Variants in MICU1 observed in about 807,000 individuals in gnomAD.
MICU1 encodes calcium uptake protein 1, mitochondrial.
A neutral mutation model predicts 56.8 loss-of-function variants in MICU1; 45 were observed. The observed-to-expected ratio is 0.79, with a 90% CI of 0.62 to 1.02. The LOEUF (loss-of-function observed/expected upper bound fraction) is 1.02, where lower values mean the gene tolerates loss of function less well. MICU1 is among the 50% of genes least tolerant of loss of function. MICU1 has a pLI of 0.00. For missense variants in MICU1, 504 were observed against 587.1 expected, an observed-to-expected ratio of 0.86 and a Z score of 1.46; for synonymous variants, 186 against 195.1, an observed-to-expected ratio of 0.95 and a Z score of 0.39.
At chr10:72,465,857 T>C (rs1051470669) in intron 8 of MICU1, among the ~76,000 whole-genome samples, 3 of 152,172 alleles carry the variant, frequency 2.0e-5, no homozygotes, top group African/African-American at 7.2e-5. Flanking sequence ...CTTTTCCATC[T>C]TAACTAAGCA....
intron 9 of MICU1, among the ~76,000 whole-genome samples, chr10:72,421,033 A>C (rs1356455626): frequency 6.7e-6 from 1 of 148,150 alleles, no homozygotes; most frequent in East Asian, 1.9e-4. Context: ...AATAATAATA[A>C]TAATAATAAA....
chr10:72,600,684 T>C (rs1311050996), intron 1 of MICU1, among the ~76,000 whole-genome samples: 1 of 150,660 alleles, frequency 6.6e-6, no homozygotes, highest in Admixed American at 6.6e-5. Context: ...AAATTCATGC[T>C]AGTTTTGCTG....
At chr10:72,604,707 T>C (rs1394910194) in intron 1 of MICU1, among the ~76,000 whole-genome samples, 1 of 152,148 alleles carries the variant, frequency 6.6e-6, no homozygotes, top group Non-Finnish European at 1.5e-5. Context: ...AGATCACAAA[T>C]GAAAGTGCTA....
intron 9 of MICU1, among the ~76,000 whole-genome samples, chr10:72,409,785 GT>G (rs1863747466): frequency 6.6e-6 from 1 of 152,110 alleles, no homozygotes; most frequent in Admixed American, 6.6e-5. Flanking sequence ...AAACTTTATT[GT>G]GGAATATGAT....
chr10:72,475,932 A>G (rs1371172000), intron 7 of MICU1: 4 of 456,106 alleles, frequency 8.8e-6, no homozygotes, highest in Non-Finnish European at 1.8e-5. Context: ...TGGAGACTCA[A>G]AAACTCTCTC....
At chr10:72,402,888 A>T (rs1480470953) in intron 10 of MICU1, among the ~76,000 whole-genome samples, 1 of 151,956 alleles carries the variant, frequency 6.6e-6, no homozygotes, top group African/African-American at 2.4e-5. Context: ...TATAAAAAAT[A>T]AAAAAAATTT....
At chr10:72,407,855 G>A in intron 10 of MICU1, 74 bp downstream of exon 10, 1 of 934,098 alleles carries the variant, frequency 1.1e-6, no homozygotes, top group Non-Finnish European at 1.7e-6. Flanking sequence ...TTACTGTTCA[G>A]GAGGGGCAGT....
intron 6 of MICU1, among the ~76,000 whole-genome samples, chr10:72,492,719 T>C (rs1232343793): frequency 6.7e-6 from 1 of 149,892 alleles, no homozygotes; most frequent in Non-Finnish European, 1.5e-5. Flanking sequence ...GCAGAGATCA[T>C]GCCACTGCAC....
intron 3 of MICU1, among the ~76,000 whole-genome samples, chr10:72,552,888 G>C (rs939499391): frequency 6.6e-6 from 1 of 152,138 alleles, no homozygotes; most frequent in Non-Finnish European, 1.5e-5. Context: ...CATTAACATA[G>C]AAATTACTAT....
chr10:72,536,503 T>C (rs2132416444), intron 4 of MICU1, among the ~76,000 whole-genome samples: 1 of 151,948 alleles, frequency 6.6e-6, no homozygotes, highest in East Asian at 1.9e-4. Context: ...CGTGCCACCA[T>C]GCCCGGCTAA....
chr10:72,383,989 T>C (rs1862805062), intron 10 of MICU1, among the ~76,000 whole-genome samples: 1 of 150,744 alleles, frequency 6.6e-6, no homozygotes, highest in African/African-American at 2.4e-5. Context: ...ACAATTTTAT[T>C]AAAAAAAAAT....
intron 8 of MICU1, among the ~76,000 whole-genome samples, chr10:72,439,312 T>C (rs1018196364): frequency 6.6e-6 from 1 of 152,178 alleles, no homozygotes; most frequent in Non-Finnish European, 1.5e-5. Context: ...CATGATTATC[T>C]CAATAGATGC....
chr10:72,576,890 A>G (rs1487898803), intron 1 of MICU1, among the ~76,000 whole-genome samples: 1 of 152,216 alleles, frequency 6.6e-6, no homozygotes, highest in Non-Finnish European at 1.5e-5. Context: ...GAATTATGCT[A>G]TATCTCACAA....
chr10:72,391,318 G>T (rs1411844419), intron 10 of MICU1, among the ~76,000 whole-genome samples: 2 of 152,136 alleles, frequency 1.3e-5, no homozygotes, highest in African/African-American at 4.8e-5. Flanking sequence ...TGTAATCCCA[G>T]CTACTTGGGA....
In MICU1 at chr10:72,508,278, T is replaced by C. The variant is rs1473774222; in HGVS notation, c.538-9A>G. ...CGTTCCTGGGAAATTTTCTATAGAA[T>C]GTATGGGTCCCACCAAAAGACAAAA... On this transcript the variant is annotated splice_polypyrimidine_tract_variant and intron_variant, in intron 5 of 11. Coordinates refer to ENST00000361114, the MANE Select transcript of MICU1 (RefSeq NM_001195518.2). The C allele has an allele frequency of 7.3e-7, 1 of 1,365,856 alleles. No individual in the cohort carries two copies. The highest frequency in any genetic ancestry group is 1.0e-6 in the Non-Finnish European group (1 of 995,250). 84.6% of individuals were successfully genotyped at this position (1,365,856 alleles called of 1,614,324 possible).
chr10:72,548,070 G>A (rs1240479421), intron 4 of MICU1, among the ~76,000 whole-genome samples: 1 of 152,198 alleles, frequency 6.6e-6, no homozygotes, highest in East Asian at 1.9e-4. Context: ...TGCCAACATG[G>A]TTGAGTATGT....
At chr10:72,386,720 T>C (rs1485181024) in intron 10 of MICU1, among the ~76,000 whole-genome samples, 1 of 151,930 alleles carries the variant, frequency 6.6e-6, no homozygotes, top group Non-Finnish European at 1.5e-5. Flanking sequence ...CCACCATGCC[T>C]GGCTAATTTT....
chr10:72,514,835 A>C (rs1270729535), intron 5 of MICU1, among the ~76,000 whole-genome samples: 1 of 152,138 alleles, frequency 6.6e-6, no homozygotes, highest in African/African-American at 2.4e-5. Flanking sequence ...TAAGCCTTCT[A>C]CACTCCCCTG....
At chr10:72,610,008 C>T (rs1211574530) in intron 1 of MICU1, among the ~76,000 whole-genome samples, 7 of 151,556 alleles carry the variant, frequency 4.6e-5, no homozygotes, top group African/African-American at 1.5e-4. Context: ...GCACTCCAAG[C>T]CTGAGCGACA....
Sources: allele counts gnomAD v4.1 joint callset (sites outside exome capture counted in the v4.1 genomes callset), GRCh38; gene constraint gnomAD v4.1.1; transcripts MANE v1.5; gene names NCBI Gene and HGNC (gene_info 2026-07-23, HGNC 2026-07-21).